The following SYN3 variants were observed in gnomAD, a reference collection of about 807,000 sequenced individuals.
SYN3 encodes the protein synapsin III.
A neutral mutation model predicts 65.8 loss-of-function variants in SYN3; 35 were observed. The observed-to-expected ratio is 0.53, with a 90% CI of 0.41 to 0.70. The LOEUF (loss-of-function observed/expected upper bound fraction) is 0.70. Ranked by LOEUF, SYN3 falls within the 30% of genes least tolerant of loss-of-function variation. The probability of loss-of-function intolerance (pLI) is 0.00; values close to 1 mark genes in which losing one functional copy is unlikely to be tolerated. For synonymous variants in SYN3, 270 were observed against 292.9 expected, an observed-to-expected ratio of 0.92 and a Z score of 0.80; for missense variants, 680 against 749.0, an observed-to-expected ratio of 0.91 and a Z score of 1.08.
At chr22:32,623,963 G>T (rs996905363) in intron 6 of SYN3, among the ~76,000 whole-genome samples, 1 of 152,116 alleles carries the variant, frequency 6.6e-6, no homozygotes, top group South Asian at 2.1e-4. Flanking sequence ...GGTCCCCAAG[G>T]TTCTCCTGAG....
At chr22:32,602,370 T>C (rs2059296803) in intron 6 of SYN3, among the ~76,000 whole-genome samples, 1 of 152,208 alleles carries the variant, frequency 6.6e-6, no homozygotes, top group African/African-American at 2.4e-5. Flanking sequence ...AAATAGCTCT[T>C]ATCTCTTAAC....
At chr22:32,736,042 T>G (rs1325507912) in intron 6 of SYN3, among the ~76,000 whole-genome samples, 1 of 152,240 alleles carries the variant, frequency 6.6e-6, no homozygotes, top group Admixed American at 6.5e-5. Context: ...TAGGCTCATG[T>G]AGTTCAACCC....
chr22:32,596,467 T>C (rs111918867), intron 7 of SYN3, among the ~76,000 whole-genome samples: 12 of 152,298 alleles, frequency 7.9e-5, no homozygotes, highest in African/African-American at 2.2e-4. Context: ...TTGGCAAGGA[T>C]GGACTGAACT....
intron 6 of SYN3, among the ~76,000 whole-genome samples, chr22:32,845,978 C>A (rs2048051025): frequency 6.6e-6 from 1 of 152,210 alleles, no homozygotes; most frequent in Non-Finnish European, 1.5e-5. Context: ...ATGCACAAAC[C>A]AAATAGGTGG....
rs1039894612 is a variant in SYN3, at chr22:32,656,019, G to T, written c.712-59283C>A. On this transcript the variant is annotated intron_variant, in intron 6 of 13. Transcript: ENST00000358763. Reference sequence around the variant, plus strand: ...TTACCCACTCTACTTGTAAAACAGGGGTGCAGGATTATTGTGAAAATGAGA... The same window carrying T: ...TTACCCACTCTACTTGTAAAACAGGTGTGCAGGATTATTGTGAAAATGAGA... Among the ~76,000 whole-genome samples the T allele has an allele frequency of 5.9e-5, 9 of 152,224 alleles. No individual in the cohort carries two copies. The South Asian group carries it at 1.7e-3, about 28-fold the overall frequency.
chr22:32,967,317 A>G (rs150242960), intron 3 of SYN3, among the ~76,000 whole-genome samples: 137 of 152,324 alleles, frequency 9.0e-4, no homozygotes, highest in African/African-American at 3.2e-3. Context: ...TCTATTGTAA[A>G]GTAAATAGTG....
intron 1 of SYN3, among the ~76,000 whole-genome samples, chr22:33,020,799 G>T (rs1405742141): frequency 3.3e-5 from 5 of 152,196 alleles, no homozygotes; most frequent in Non-Finnish European, 7.3e-5. Context: ...AAGCTTGAAG[G>T]TTAAGTTCAT....
At chr22:32,650,720 C>T (rs1277653109) in intron 6 of SYN3, among the ~76,000 whole-genome samples, 1 of 152,168 alleles carries the variant, frequency 6.6e-6, no homozygotes, top group African/African-American at 2.4e-5. Context: ...AGGGTTGGAA[C>T]TCTAATTTGA....
At chr22:32,600,865 T>A (rs747830008) in intron 6 of SYN3, among the ~76,000 whole-genome samples, 40 of 152,216 alleles carry the variant, frequency 2.6e-4, no homozygotes, top group Middle Eastern at 6.8e-3. Flanking sequence ...TTTTGTATTT[T>A]CAGTAGAGAC....
chr22:32,551,330 CT>C (rs1479619670), intron 7 of SYN3, among the ~76,000 whole-genome samples: 1 of 152,124 alleles, frequency 6.6e-6, no homozygotes, highest in Admixed American at 6.5e-5. Flanking sequence ...ATAATGGCCC[CT>C]ACCCCCACCC....
chr22:32,840,359 G>A (rs886940186), intron 6 of SYN3, among the ~76,000 whole-genome samples: 2 of 152,124 alleles, frequency 1.3e-5, no homozygotes, highest in Non-Finnish European at 2.9e-5. Context: ...TGGCCTTGGC[G>A]TTGACATCAA....
chr22:32,998,014 G>A (rs946051165), intron 2 of SYN3, among the ~76,000 whole-genome samples: 6 of 136,820 alleles, frequency 4.4e-5, no homozygotes, highest in African/African-American at 1.1e-4. Context: ...GTGACAGAGC[G>A]AGACTCCATC....
chr22:32,780,231 T>C (rs978369590), intron 6 of SYN3, among the ~76,000 whole-genome samples: 5 of 152,094 alleles, frequency 3.3e-5, no homozygotes, highest in African/African-American at 1.2e-4. Context: ...GTCTGGTCTG[T>C]GCTTTGCTGA....
rs368737213 is a variant in SYN3, at chr22:32,737,580, C to T, written c.711+127335G>A. On this transcript the variant is annotated intron_variant, in intron 6 of 13. Transcript: ENST00000358763. The stretch of plus-strand genomic sequence containing the variant: ...AACATGAGGTGCTTGGTTTTTTGTC[C>T]TTGCGATAGTTTGCTGAGAATGATG... Among the ~76,000 whole-genome samples the T allele has an allele frequency of 9.9e-5, 15 of 152,168 alleles. No homozygotes were observed. The East Asian group carries it at 2.3e-3, about 24-fold the overall frequency.
At chr22:32,921,210 C>T (rs2050326208) in intron 4 of SYN3, among the ~76,000 whole-genome samples, 1 of 152,218 alleles carries the variant, frequency 6.6e-6, no homozygotes, top group South Asian at 2.1e-4. Context: ...GTCCCTGGAA[C>T]ATAGTAGGTC....
intron 1 of SYN3, among the ~76,000 whole-genome samples, chr22:33,030,105 G>T (rs1242463173): frequency 6.6e-6 from 1 of 152,170 alleles, no homozygotes; most frequent in African/African-American, 2.4e-5. Context: ...TTGGGGGAAA[G>T]GTACCAAGTC....
intron 7 of SYN3, among the ~76,000 whole-genome samples, chr22:32,569,571 C>CTCTCTATATATA (rs1205661126): frequency 1.3e-4 from 12 of 90,926 alleles, no homozygotes; most frequent in African/African-American, 4.5e-4. Flanking sequence ...CTCTCTCTCT[C>CTCTCTATATATA]TATATATATA....
chr22:32,884,798 A>G (rs2049244975), intron 4 of SYN3, among the ~76,000 whole-genome samples: 1 of 152,136 alleles, frequency 6.6e-6, no homozygotes, highest in African/African-American at 2.4e-5. Context: ...AATAGCTTGA[A>G]CCAGGGAGTC....
chr22:32,784,450 G>T (rs771547592), intron 6 of SYN3, among the ~76,000 whole-genome samples: 1 of 152,202 alleles, frequency 6.6e-6, no homozygotes, highest in Non-Finnish European at 1.5e-5. Flanking sequence ...CAGCCAGGTA[G>T]AAACTGAGGA....
Sources: gnomAD v4.1 joint callset for allele counts (sites outside exome capture counted in the v4.1 genomes callset) on GRCh38, gnomAD v4.1.1 for gene constraint, MANE v1.5 for transcripts, NCBI Gene and HGNC (gene_info 2026-07-23, HGNC 2026-07-21) for gene names.